Variants in TPRN observed in about 807,000 individuals in gnomAD.
The protein encoded by TPRN is chromosome 9 open reading frame 75.
TPRN carries 32 observed loss-of-function variants against 42.6 expected under a neutral mutation model. That is an observed-to-expected ratio of 0.75 (90% CI 0.57 to 1.01). The LOEUF is 1.01. Among genes scored for constraint, TPRN ranks in the 50% least tolerant of loss-of-function variants. TPRN has a pLI of 0.00. For synonymous variants in TPRN, 541 were observed against 445.6 expected (o/e 1.21, Z -2.70); for missense variants, 1,095 against 957.5 (o/e 1.14, Z -1.90).
Position 137,200,341 on chromosome 9 carries a change from A to G in TPRN, c.371T>C (p.Leu124Pro). The change falls in exon 1 of 4, where the codon CTG becomes CCG. Residue 124 changes from leucine (L) to proline (P), a missense_variant. Leu to Pro is a moderately conservative substitution (Grantham distance 98, BLOSUM62 -3). Coordinates refer to ENST00000409012, the MANE Select transcript of TPRN (RefSeq NM_001128228.3). The surrounding 1 kb of genome is among the most constrained non-coding windows in gnomAD (Gnocchi z 4.3). Reference protein sequence around the residue: ...GAAQIRAAEVLVYGAPPGRVS... With the variant: ...GAAQIRAAEVPVYGAPPGRVS... ...GCGGCCGGGCGGCGCCCCGTACACC[A>G]GCACCTCGGCGGCGCGGATCTGCGC... 1 of 1,023,806 alleles carries G rather than the reference A, an allele frequency of 9.8e-7. No individual in the cohort carries two copies. The highest frequency in any genetic ancestry group is 1.2e-6 in the Non-Finnish European group (1 of 863,060). The allele number at this position is 1,023,806 out of a possible 1,614,324, so 63.4% of individuals were successfully genotyped here.
intron 1 of TPRN, among the ~76,000 whole-genome samples, chr9:137,197,597 C>T (rs1448531638): frequency 6.6e-6 from 1 of 152,240 alleles, no homozygotes; most frequent in Non-Finnish European, 1.5e-5. Flanking sequence ...TTTCTCTCTA[C>T]AAAGGGGGAG....
chr9:137,198,783 G>C (rs569387543), intron 1 of TPRN, among the ~76,000 whole-genome samples: 47 of 152,390 alleles, frequency 3.1e-4, no homozygotes, highest in Admixed American at 8.5e-4. Flanking sequence ...CAGCAGGCCA[G>C]CTGTCCCCAC....
chr9:137,196,236 G>A (rs991501388), intron 1 of TPRN, among the ~76,000 whole-genome samples: 3 of 152,228 alleles, frequency 2.0e-5, no homozygotes, highest in Non-Finnish European at 4.4e-5. Flanking sequence ...GCTAGACTCC[G>A]GGCCCTGCAA....
At chr9:137,192,720 C>T in intron 1 of TPRN, 29 bp from the exon 2 acceptor site, 2 of 1,611,398 alleles carry the variant, frequency 1.2e-6, no homozygotes, top group South Asian at 1.1e-5. Context: ...TGAACGAGGG[C>T]TGAGGGCCCA....
chr9:137,197,533 C>T (rs981985465), intron 1 of TPRN, among the ~76,000 whole-genome samples: 3 of 152,156 alleles, frequency 2.0e-5, no homozygotes, highest in African/African-American at 4.8e-5. Context: ...ACCTGAACTC[C>T]GTACTCGCCC....
Position 137,200,004 on chromosome 9 carries a change from G to A in TPRN, c.708C>T (p.Asn236=). 1 of 1,445,388 alleles carries A rather than the reference G, an allele frequency of 6.9e-7. No homozygotes were observed. The highest frequency in any genetic ancestry group is 1.5e-5 in the South Asian group (1 of 68,774). 89.5% of individuals were successfully genotyped at this position (1,445,388 alleles called of 1,614,324 possible). A position where few individuals can be genotyped will look rare whatever the true frequency, so the allele number is the denominator to read the frequency against. Residue 236 remains asparagine, a synonymous_variant, in exon 1 of 4, where the codon AAC becomes AAT. Coordinates refer to ENST00000409012, the MANE Select transcript of TPRN (RefSeq NM_001128228.3). The surrounding 1 kb of genome is among the most constrained non-coding windows in gnomAD (Gnocchi z 4.3). ...SAPEPRAGPA[N]RLAGSPPGSG... The stretch of plus-strand genomic sequence containing the variant: ...ACCCAGGCGGGGAGCCCGCGAGGCG[G>A]TTGGCAGGGCCGGCCCGGGGCTCAG...
chr9:137,199,012 G>C lies in TPRN; in HGVS notation c.1700C>G (p.Thr567Ser), dbSNP rs150581033. Reference sequence around the variant, plus strand: ...CTTCTTTCTTGAGGAGCCAGCCTTGGTGAGGCAGGACTTCTGCAGGGCCAG... The same window carrying C: ...CTTCTTTCTTGAGGAGCCAGCCTTGCTGAGGCAGGACTTCTGCAGGGCCAG... ...GYLALQKSCLTKAGSSRKKMK... is the reference protein window; with the variant it reads ...GYLALQKSCLSKAGSSRKKMK... Residue 567 changes from threonine to serine, a missense_variant, in exon 1 of 4, where the codon ACC becomes AGC. Transcript: ENST00000409012. 6.2e-7 allele frequency: 1 copy of C among 1,613,078 alleles called. No individual in the cohort carries two copies. Among genetic ancestry groups the C allele is most frequent in the Admixed American group, 1.7e-5 (1 of 60,032 alleles).
Position 137,200,738 on chromosome 9 carries a change from G to C in TPRN, c.-27C>G. 9.1e-7 allele frequency: 1 copy of C among 1,096,428 alleles called. No individual in the cohort carries two copies. The highest frequency in any genetic ancestry group is 4.1e-5 in the South Asian group (1 of 24,308). 67.9% of individuals were successfully genotyped at this position (1,096,428 alleles called of 1,614,324 possible). On this transcript the variant is annotated 5_prime_UTR_variant, in exon 1 of 4. Transcript: ENST00000409012. This position sits in a 1 kb window ranked among gnomAD's most constrained non-coding sequence, Gnocchi z 4.3. ...CTGCGAACGCGGCAGCGGACGGCTG[G>C]ACTGAGGGCCGGAGTGGCAGCCGCC...
At chr9:137,192,205 T>G in intron 3 of TPRN, 31 bp from the exon 4 acceptor site, 1 of 1,613,344 alleles carries the variant, frequency 6.2e-7, no homozygotes, top group Non-Finnish European at 8.5e-7. Flanking sequence ...TGTGGACACA[T>G]GGGCTCGCCC....
At chr9:137,195,228 T>G (rs1834688618) in intron 1 of TPRN, 1 of 152,306 alleles carries the variant, frequency 6.6e-6, no homozygotes, top group South Asian at 2.1e-4. Context: ...GCTGCACGAG[T>G]GCAATGCCCA....
intron 1 of TPRN, 40 bp from the exon 2 acceptor site, chr9:137,192,731 C>T: frequency 1.2e-6 from 2 of 1,607,608 alleles, no homozygotes; most frequent in Admixed American, 3.3e-5. Flanking sequence ...TGAGGGCCCA[C>T]ATGGGCACAG....
rs1283352196 is a variant in TPRN at position 137,192,497 on chromosome 9, C to T, written c.1920G>A (p.Val640=). ...GAGAGCTCTCGGGTCTCACGCTGCT[C>T]ACAAACGTGGCCCGGGGCAGGAAGA... The part of the protein sequence containing the change: ...FALFLPRATF[V]SSVRPESSRL... Residue 640 remains valine, a synonymous_variant, in exon 2 of 4, where the codon GTG becomes GTA. Transcript: ENST00000409012. 1.2e-6 allele frequency: 2 copies of T among 1,606,278 alleles called. No individual in the cohort carries two copies. Among genetic ancestry groups the T allele is most frequent in the Non-Finnish European group, 8.5e-7 (1 of 1,176,786 alleles).
intron 1 of TPRN, chr9:137,194,611 G>A (rs2131350279): frequency 6.6e-6 from 1 of 152,482 alleles, no homozygotes; most frequent in East Asian, 1.9e-4. Flanking sequence ...GGGGCTGGGT[G>A]CACATGGGCC....
chr9:137,192,266 T>G lies in TPRN; in HGVS notation c.2066A>C (p.Glu689Ala), dbSNP rs763979764. 1 of 1,613,070 alleles carries G rather than the reference T, an allele frequency of 6.2e-7. No individual in the cohort carries two copies. The highest frequency in any genetic ancestry group is 8.5e-7 in the Non-Finnish European group (1 of 1,180,008). ...APREAEPPPV[E>A]AMLTPASQND... ...CACTCCCCCGCATCTCACCATGGCC[T>G]CCACGGGCGGGGGCTCTGCCTCCCT... The change falls in exon 3 of 4, where the codon GAG (glutamate) becomes GCG (alanine). Residue 689 changes from glutamate to alanine, a missense_variant. Glu to Ala is a moderately radical substitution (Grantham distance 107). Transcript: ENST00000409012.
chr9:137,199,359 C>G lies in TPRN; in HGVS notation c.1353G>C (p.Pro451=). The change falls in exon 1 of 4, where the codon CCG becomes CCC. Residue 451 remains proline (P), a synonymous_variant. Coordinates refer to ENST00000409012, the MANE Select transcript of TPRN (RefSeq NM_001128228.3). ...LAKNSREYVR[P]GLPVTFIDEV... ...CATCGATGAAGGTGACAGGCAGCCCCGGCCTCACATATTCCCGGCTATTCT... is the reference window on the plus strand; with the variant it reads ...CATCGATGAAGGTGACAGGCAGCCCGGGCCTCACATATTCCCGGCTATTCT... 1.9e-6 allele frequency: 3 copies of G among 1,612,764 alleles called. No homozygotes were observed. The highest frequency in any genetic ancestry group is 1.1e-5 in the South Asian group (1 of 91,082).
chr9:137,198,397 C>T (rs1241271201), intron 1 of TPRN, among the ~76,000 whole-genome samples: 1 of 152,238 alleles, frequency 6.6e-6, no homozygotes, highest in Non-Finnish European at 1.5e-5. Flanking sequence ...TTCCCAGGCC[C>T]AGAACAGGCA....
In TPRN at chr9:137,199,914, C is replaced by A; in HGVS notation, c.798G>T (p.Gly266=). The change falls in exon 1 of 4, where the codon GGG becomes GGT. Residue 266 remains glycine, a synonymous_variant. Transcript: ENST00000409012. The stretch of plus-strand genomic sequence containing the variant: ...GTGAGGCTGGAGTGGCACTCGGGGT[C>A]CCGGGGCTGGGGGGCGGGTGGAGGG... ...DPSLHPPPSP[G]TPSATPASPP... is the part of the protein sequence containing the mutation. 2 of 1,510,892 alleles carry A rather than the reference C, an allele frequency of 1.3e-6. No individual in the cohort carries two copies. Among genetic ancestry groups the A allele is most frequent in the Non-Finnish European group, 1.8e-6 (2 of 1,125,502 alleles). The allele number at this position is 1,510,892 out of a possible 1,614,324, so 93.6% of individuals were successfully genotyped here.
intron 1 of TPRN, among the ~76,000 whole-genome samples, chr9:137,195,634 G>C (rs1483126982): frequency 6.6e-6 from 1 of 152,210 alleles, no homozygotes; most frequent in East Asian, 1.9e-4. Flanking sequence ...TGCACAGCAG[G>C]TGAGGGCGGA....
chr9:137,191,751 C>T lies in TPRN; in HGVS notation c.*361G>A, dbSNP rs565413291. 56 of 399,540 alleles carry T rather than the reference C, an allele frequency of 1.4e-4. 1 individual carries two copies. The highest frequency in any genetic ancestry group is 1.1e-3 in the South Asian group (51 of 47,362). 24.7% of individuals were successfully genotyped at this position (399,540 alleles called of 1,614,324 possible). ...AAGTAGCTGGGACAGCCCTTCACCC[C>T]GACACCCCATGGCCACTGTGAGGCA... On this transcript the variant is annotated 3_prime_UTR_variant, in exon 4 of 4. Transcript: ENST00000409012.
Sources: gnomAD v4.1 joint callset for allele counts (sites outside exome capture counted in the v4.1 genomes callset) on GRCh38, gnomAD v4.1.1 for gene constraint, Gnocchi (gnomAD v3.1) non-coding constraint, MANE v1.5 for transcripts, NCBI Gene and HGNC (gene_info 2026-07-23, HGNC 2026-07-21) for gene names.